Variants in SHROOM4 observed in about 807,000 individuals in gnomAD.
SHROOM4 encodes protein Shroom4.
A neutral mutation model predicts 80.3 loss-of-function variants in SHROOM4; 17 were observed. That is an observed-to-expected ratio of 0.21 (90% confidence interval 0.14 to 0.32). SHROOM4 has a LOEUF of 0.32. SHROOM4 is among the 10% of genes least tolerant of loss of function. The probability of loss-of-function intolerance (pLI) is 1.00; values close to 1 mark genes in which losing one functional copy is unlikely to be tolerated. For missense variants in SHROOM4, 993 were observed against 1,140.3 expected, an observed-to-expected ratio of 0.87 and a Z score of 1.86; for synonymous variants, 400 against 437.5, an observed-to-expected ratio of 0.91 and a Z score of 1.07.
intron 1 of SHROOM4, among the ~76,000 whole-genome samples, chrX:50,795,293 T>G (rs1935987863): frequency 9.4e-6 from 1 of 105,945 alleles, no homozygotes; most frequent in African/African-American, 3.5e-5. Context: ...AAAGAAAGAA[T>G]TTAGAGCCAG....
chrX:50,644,558 G>T (rs1469708674), intron 2 of SHROOM4, among the ~76,000 whole-genome samples: 1 of 111,906 alleles, frequency 8.9e-6, no homozygotes, highest in Non-Finnish European at 1.9e-5. Flanking sequence ...TAGAGTCAGG[G>T]TTTTCCTTTC....
intron 1 of SHROOM4, among the ~76,000 whole-genome samples, chrX:50,749,071 G>A (rs1934846298): frequency 9.0e-6 from 1 of 111,391 alleles, no homozygotes; most frequent in Non-Finnish European, 1.9e-5. Context: ...AAATAGCTGA[G>A]TATGGTGGTG....
chrX:50,775,880 T>C (rs1312299930), intron 1 of SHROOM4, among the ~76,000 whole-genome samples: 1 of 112,045 alleles, frequency 8.9e-6, no homozygotes, highest in African/African-American at 3.2e-5. Context: ...AGAAAAGAAT[T>C]TGCACTCAAC....
intron 1 of SHROOM4, among the ~76,000 whole-genome samples, chrX:50,699,102 A>T (rs1416567979): frequency 5.3e-5 from 6 of 112,353 alleles, no homozygotes; most frequent in Admixed American, 4.7e-4. Flanking sequence ...GAATTCTCAG[A>T]TTAGACCCAG....
chrX:50,584,494 G>A (rs782172374), downstream of SHROOM4, among the ~76,000 whole-genome samples: 3 of 111,547 alleles, frequency 2.7e-5, no homozygotes, highest in Non-Finnish European at 3.8e-5. Context: ...ATCATATTTG[G>A]GTTTTGGCAA....
intron 2 of SHROOM4, among the ~76,000 whole-genome samples, chrX:50,645,772 T>C (rs1452466799): frequency 1.8e-5 from 2 of 111,593 alleles, no homozygotes; most frequent in East Asian, 5.6e-4. Context: ...CCTCCTGTGC[T>C]CAGGGGACGG....
At chrX:50,721,718 T>G (rs1602461735) in intron 1 of SHROOM4, among the ~76,000 whole-genome samples, 1 of 111,475 alleles carries the variant, frequency 9.0e-6, no homozygotes, top group Non-Finnish European at 1.9e-5. Context: ...GGAGTTGCTC[T>G]GGTTCAAACA....
chrX:50,603,901 C>G (rs1929553877), intron 6 of SHROOM4, among the ~76,000 whole-genome samples: 1 of 111,432 alleles, frequency 9.0e-6, no homozygotes, highest in South Asian at 3.8e-4. Flanking sequence ...AGGGGGTGGC[C>G]CGCCCTCACT....
chrX:50,683,643 CT>C (rs1932992010), intron 2 of SHROOM4, among the ~76,000 whole-genome samples: 1 of 111,158 alleles, frequency 9.0e-6, no homozygotes, highest in African/African-American at 3.3e-5. Flanking sequence ...AATTATTTAC[CT>C]TTATAGAGGC....
At chrX:50,581,954 T>A (rs187042404), downstream of SHROOM4, among the ~76,000 whole-genome samples, 1 of 111,556 alleles carries the variant, frequency 9.0e-6, no homozygotes, top group Non-Finnish European at 1.9e-5. Context: ...TGCCTCTCTG[T>A]GGGGGAAAAT....
intron 5 of SHROOM4, among the ~76,000 whole-genome samples, chrX:50,614,143 A>G (rs1471559632): frequency 8.9e-6 from 1 of 112,685 alleles, no homozygotes; most frequent in East Asian, 2.8e-4. Context: ...AATAAAGTTT[A>G]GATGTATCAA....
At chrX:50,659,316 G>T (rs985805059) in intron 2 of SHROOM4, among the ~76,000 whole-genome samples, 7 of 111,552 alleles carry the variant, frequency 6.3e-5, no homozygotes, top group Admixed American at 1.9e-4. Context: ...TAGTCCAAGT[G>T]ATGTATAATG....
intron 1 of SHROOM4, among the ~76,000 whole-genome samples, chrX:50,708,632 C>G (rs942750151): frequency 8.9e-6 from 1 of 112,122 alleles, no homozygotes; most frequent in African/African-American, 3.2e-5. Flanking sequence ...ACATTTAGCA[C>G]GCCCATTAGC....
At position 50,592,582 on chromosome X, in the gene SHROOM4, T is replaced by A. The variant is rs782678080; in HGVS notation, c.*4113A>T. On this transcript the variant is annotated 3_prime_UTR_variant, in exon 9 of 9. Transcript: ENST00000376020. Reference sequence around the variant, plus strand: ...AGTTGGAATGTGAACAGAATATGGATCACGAAAAAAGAAAGCTTTTCAATG... The same window carrying A: ...AGTTGGAATGTGAACAGAATATGGAACACGAAAAAAGAAAGCTTTTCAATG... 3.9e-5 allele frequency: 5 copies of A among 128,152 alleles called. No homozygotes were observed. Among genetic ancestry groups the A allele is most frequent in the Non-Finnish European group, 7.9e-5 (5 of 63,622 alleles). 10.6% of individuals were successfully genotyped at this position (128,152 alleles called of 1,213,427 possible).
chrX:50,717,132 A>T (rs1557264929), intron 1 of SHROOM4, among the ~76,000 whole-genome samples: 1 of 111,869 alleles, frequency 8.9e-6, no homozygotes, highest in East Asian at 2.8e-4. Context: ...GGTAAGGGGG[A>T]TCCATCTCAG....
chrX:50,668,826 T>A (rs1932759865), intron 2 of SHROOM4, among the ~76,000 whole-genome samples: 1 of 112,643 alleles, frequency 8.9e-6, no homozygotes, highest in Non-Finnish European at 1.9e-5. Flanking sequence ...AAAAATACAA[T>A]ATTCAAAATA....
chrX:50,771,108 A>G (rs1211488944), intron 1 of SHROOM4, among the ~76,000 whole-genome samples: 1 of 111,672 alleles, frequency 9.0e-6, no homozygotes, highest in Non-Finnish European at 1.9e-5. Context: ...CCTCCACTGA[A>G]GGTGTGACCA....
chrX:50,640,321 C>G (rs782281711), intron 2 of SHROOM4, among the ~76,000 whole-genome samples: 18 of 110,771 alleles, frequency 1.6e-4, no homozygotes, highest in African/African-American at 5.6e-4. Flanking sequence ...TTCTCCCTAA[C>G]CATCCAATCC....
chrX:50,633,503 T>C lies in SHROOM4; in HGVS notation c.2570A>G (p.Tyr857Cys). The C allele has an allele frequency of 8.3e-7, 1 of 1,210,922 alleles. No homozygotes were observed. Among genetic ancestry groups the C allele is most frequent in the Non-Finnish European group, 1.1e-6 (1 of 895,313 alleles). ...ACCTTTGCTTGCAAAACATTCTGAG[T>C]AAGTGGGAGTTTCTGACTGAAGGGG... is the stretch of plus-strand genomic sequence containing the variant. ...MSPLQSETPT[Y>C]SECFASKGLE... The change falls in exon 4 of 9, where the codon TAC becomes TGC. Residue 857 changes from tyrosine to cysteine, a missense_variant. By Grantham distance (194) the Tyr-to-Cys change is radical. Coordinates refer to ENST00000376020, the MANE Select transcript of SHROOM4 (RefSeq NM_020717.5).
Sources: gnomAD v4.1 joint callset for allele counts (sites outside exome capture counted in the v4.1 genomes callset) on GRCh38, gnomAD v4.1.1 for gene constraint, MANE v1.5 for transcripts, NCBI Gene and HGNC (gene_info 2026-07-23, HGNC 2026-07-21) for gene names.